Variants in CSMD2 observed in about 807,000 individuals in gnomAD.
CSMD2 encodes CUB and sushi domain-containing protein 2.
A neutral mutation model predicts 398.5 loss-of-function variants in CSMD2; 130 were observed. The observed-to-expected ratio is 0.33, with a 90% CI of 0.28 to 0.38. The LOEUF is 0.38. Ranked by LOEUF, CSMD2 falls within the 10% of genes least tolerant of loss-of-function variation. The pLI is 1.00. For missense variants in CSMD2, 3,829 were observed against 4,764.9 expected (o/e 0.80, Z 5.78); for synonymous variants, 1,828 against 1,908.5 (o/e 0.96, Z 1.10).
intron 1 of CSMD2, among the ~76,000 whole-genome samples, chr1:34,120,746 T>C (rs1662097076): frequency 6.6e-6 from 1 of 152,158 alleles, no homozygotes; most frequent in Non-Finnish European, 1.5e-5. Flanking sequence ...TGTTTCACCA[T>C]GTTGGCCAGG....
rs768719089 is a variant in CSMD2 at position 33,636,427 on chromosome 1, C to A, written c.4902G>T (p.Ser1634=). Residue 1634 remains serine, a synonymous_variant, in exon 30 of 71, where the codon TCG becomes TCT. Coordinates refer to ENST00000373381, the MANE Select transcript of CSMD2 (RefSeq NM_001281956.2). The surrounding 1 kb of genome is among the most constrained non-coding windows in gnomAD (Gnocchi z 4.8). The part of the protein sequence containing the change: ...CHGGYEVEGT[S]TLSCILGPDG... Reference sequence around the variant, plus strand: ...CAGGCCCCAGGATGCAGCTCAGGGTCGAGGTGCCCTCAACTTCGTAGCCCC... The same window carrying A: ...CAGGCCCCAGGATGCAGCTCAGGGTAGAGGTGCCCTCAACTTCGTAGCCCC... The A allele has an allele frequency of 6.2e-7, 1 of 1,614,088 alleles. No individual in the cohort carries two copies. The highest frequency in any genetic ancestry group is 8.5e-7 in the Non-Finnish European group (1 of 1,179,986).
At chr1:33,601,138 C>G in intron 43 of CSMD2, 128 bp from the exon 44 acceptor site, 1 of 1,211,984 alleles carries the variant, frequency 8.3e-7, no homozygotes, top group Non-Finnish European at 1.2e-6. Flanking sequence ...CCAACACTTC[C>G]CCACACCATG....
intron 41 of CSMD2, among the ~76,000 whole-genome samples, chr1:33,609,892 T>C (rs756488521): frequency 6.6e-6 from 1 of 152,222 alleles, no homozygotes; most frequent in African/African-American, 2.4e-5. Flanking sequence ...CAAATCCCTA[T>C]GTTGAAACCT....
chr1:33,957,608 A>G (rs1645210988), intron 3 of CSMD2, among the ~76,000 whole-genome samples: 1 of 152,160 alleles, frequency 6.6e-6, no homozygotes, highest in African/African-American at 2.4e-5. Context: ...GTTCTACACA[A>G]TCCTATCCCA....
At chr1:33,975,049 C>G (rs1161795350) in intron 3 of CSMD2, among the ~76,000 whole-genome samples, 2 of 152,238 alleles carry the variant, frequency 1.3e-5, no homozygotes, top group Non-Finnish European at 2.9e-5. Flanking sequence ...CTGCACAAAG[C>G]TCTGCTCAGA....
At chr1:34,019,695 G>C (rs4653374) in intron 3 of CSMD2, among the ~76,000 whole-genome samples, 1 of 151,804 alleles carries the variant, frequency 6.6e-6, no homozygotes. Flanking sequence ...TAAATCTCAC[G>C]GAGCCACTTC....
chr1:34,094,055 ATC>A (rs1460159388), intron 1 of CSMD2, among the ~76,000 whole-genome samples: 1 of 148,146 alleles, frequency 6.8e-6, no homozygotes, highest in African/African-American at 2.5e-5. Flanking sequence ...CTAACAGCAG[ATC>A]TCTCGGCAGA....
chr1:33,950,352 GCAA>G (rs1168919228), intron 3 of CSMD2, among the ~76,000 whole-genome samples: 2 of 148,936 alleles, frequency 1.3e-5, no homozygotes, highest in Non-Finnish European at 3.0e-5. Context: ...CAATGTTCCA[GCAA>G]CAATGGCTCT....
chr1:33,561,130 G>A (rs562147019), intron 53 of CSMD2, among the ~76,000 whole-genome samples: 12 of 152,334 alleles, frequency 7.9e-5, no homozygotes, highest in East Asian at 7.7e-4. Flanking sequence ...TAATGGGGAC[G>A]GGGGTGTAAG....
intron 55 of CSMD2, among the ~76,000 whole-genome samples, chr1:33,555,805 G>C (rs1043608560): frequency 2.0e-5 from 3 of 152,164 alleles, no homozygotes; most frequent in Non-Finnish European, 4.4e-5. Context: ...GATTATACTG[G>C]AAAACTAAAA....
chr1:33,839,196 A>C (rs1660601212), intron 6 of CSMD2: 1 of 152,256 alleles, frequency 6.6e-6, no homozygotes, highest in Non-Finnish European at 1.5e-5. Context: ...AGAAGTCCAG[A>C]AAGGAGAATT....
At chr1:33,623,572 T>C (rs1641908119) in intron 35 of CSMD2, 106 bp from the exon 36 acceptor site, 1 of 797,918 alleles carries the variant, frequency 1.3e-6, no homozygotes. Context: ...TTGTTGAGAA[T>C]CTACTCTGGG....
At chr1:34,107,989 C>A (rs1049766176) in intron 1 of CSMD2, among the ~76,000 whole-genome samples, 1 of 152,214 alleles carries the variant, frequency 6.6e-6, no homozygotes, top group African/African-American at 2.4e-5. Context: ...CAGGACCACG[C>A]CTGACTCACT....
chr1:33,642,492 G>C (rs1329937080), intron 29 of CSMD2, among the ~76,000 whole-genome samples: 1 of 152,192 alleles, frequency 6.6e-6, no homozygotes, highest in Non-Finnish European at 1.5e-5. Context: ...AATGTAGCAA[G>C]TGCTCAGAAG....
At chr1:33,619,573 T>C (rs1027342612) in intron 37 of CSMD2, among the ~76,000 whole-genome samples, 3 of 152,158 alleles carry the variant, frequency 2.0e-5, no homozygotes, top group East Asian at 3.8e-4. Flanking sequence ...ATGGTAATAA[T>C]CAAGTAAACA....
At position 33,675,310 on chromosome 1, in the gene CSMD2, A is replaced by G. The variant is rs1644669009; in HGVS notation, c.4053-12218T>C. On this transcript the variant is annotated intron_variant, in intron 25 of 70. Coordinates refer to ENST00000373381, the MANE Select transcript of CSMD2 (RefSeq NM_001281956.2). The stretch of plus-strand genomic sequence containing the variant: ...CGATCCCACAGAAATACAAACTACC[A>G]TCAGAGAATACTACAAACACCTCTA... Among the ~76,000 whole-genome samples, 3 of 152,308 alleles carry G rather than the reference A, an allele frequency of 2.0e-5. No individual in the cohort carries two copies. The South Asian group carries it at 6.2e-4, about 32-fold the overall frequency.
At chr1:33,825,635 G>C in intron 7 of CSMD2, 62 bp downstream of exon 7, 1 of 1,407,154 alleles carries the variant, frequency 7.1e-7, no homozygotes, top group Non-Finnish European at 1.0e-6. Context: ...CCACGGTTTA[G>C]TGCCTGCACG....
intron 13 of CSMD2, among the ~76,000 whole-genome samples, chr1:33,768,250 C>T (rs975902057): frequency 6.6e-6 from 1 of 152,152 alleles, no homozygotes; most frequent in African/African-American, 2.4e-5. Flanking sequence ...TTATCCTAGA[C>T]TAGTCGTTCT....
At chr1:34,082,939 C>T (rs1044779616) in intron 2 of CSMD2, among the ~76,000 whole-genome samples, 15 of 152,046 alleles carry the variant, frequency 9.9e-5, no homozygotes, top group African/African-American at 3.1e-4. Flanking sequence ...TGCGGAAGGC[C>T]GCAGGGTCCT....
Sources: gnomAD v4.1 joint callset for allele counts (sites outside exome capture counted in the v4.1 genomes callset) on GRCh38, gnomAD v4.1.1 for gene constraint, Gnocchi (gnomAD v3.1) non-coding constraint, MANE v1.5 for transcripts, NCBI Gene and HGNC (gene_info 2026-07-23, HGNC 2026-07-21) for gene names.